The following DDC variants were observed in gnomAD, a reference collection of about 807,000 sequenced individuals.
The protein encoded by DDC is aromatic-L-amino-acid decarboxylase.
DDC carries 43 observed loss-of-function variants against 60.0 expected under a neutral mutation model. That is an observed-to-expected ratio of 0.72 (90% CI 0.56 to 0.92). DDC has a LOEUF of 0.92. Ranked by LOEUF, DDC falls within the 40% of genes least tolerant of loss-of-function variation. The pLI is 0.00. For synonymous variants in DDC, 232 were observed against 234.6 expected, an observed-to-expected ratio of 0.99 and a Z score of 0.10; for missense variants, 573 against 620.2, an observed-to-expected ratio of 0.92 and a Z score of 0.81.
At chr7:50,510,326 T>C (rs1222382597) in intron 6 of DDC, among the ~76,000 whole-genome samples, 2 of 152,030 alleles carry the variant, frequency 1.3e-5, no homozygotes, top group Admixed American at 6.5e-5. Flanking sequence ...TATAGATAAG[T>C]AAATAAGTAA....
intron 1 of DDC, among the ~76,000 whole-genome samples, chr7:50,562,445 G>T (rs1008484237): frequency 6.6e-6 from 1 of 152,252 alleles, no homozygotes; most frequent in African/African-American, 2.4e-5. Context: ...CCCAAACACT[G>T]TGAGTTCAGC....
chr7:50,525,099 T>C (rs1274650772), intron 6 of DDC, among the ~76,000 whole-genome samples: 1 of 152,242 alleles, frequency 6.6e-6, no homozygotes, highest in Non-Finnish European at 1.5e-5. Context: ...TCACATATTG[T>C]ATAATTCCAT....
intron 6 of DDC, among the ~76,000 whole-genome samples, chr7:50,519,234 A>C (rs2043821834): frequency 6.6e-6 from 1 of 152,234 alleles, no homozygotes; most frequent in Non-Finnish European, 1.5e-5. Context: ...TCAAAAAATC[A>C]AAAACATTAG....
intron 9 of DDC, chr7:50,492,921 G>C (rs754356019): frequency 9.2e-5 from 147 of 1,597,134 alleles, no homozygotes; most frequent in Non-Finnish European, 1.2e-4. Context: ...GGCACTCCAC[G>C]TCCCGAAAGG....
chr7:50,511,994 A>G (rs1158501253), intron 6 of DDC, among the ~76,000 whole-genome samples: 5 of 152,144 alleles, frequency 3.3e-5, no homozygotes, highest in African/African-American at 1.2e-4. Flanking sequence ...ATAAATCACC[A>G]CTAAAAAACT....
At chr7:50,541,627 C>T (rs1263154319) in intron 2 of DDC, among the ~76,000 whole-genome samples, 1 of 152,122 alleles carries the variant, frequency 6.6e-6, no homozygotes, top group Non-Finnish European at 1.5e-5. Flanking sequence ...TGTCTGTAAA[C>T]CAGGAAGAGA....
At chr7:50,506,396 C>CTAATG (rs898517818) in intron 6 of DDC, among the ~76,000 whole-genome samples, 1 of 152,084 alleles carries the variant, frequency 6.6e-6, no homozygotes, top group Non-Finnish European at 1.5e-5. Flanking sequence ...GGAGATACAC[C>CTAATG]TAATGTAAAT....
At chr7:50,514,531 T>G (rs372771206) in intron 6 of DDC, among the ~76,000 whole-genome samples, 27 of 152,266 alleles carry the variant, frequency 1.8e-4, no homozygotes, top group African/African-American at 6.5e-4. Flanking sequence ...ATTAAGCTAA[T>G]CGGGGAAGCA....
intron 6 of DDC, among the ~76,000 whole-genome samples, chr7:50,515,918 A>G (rs1585215457): frequency 6.6e-6 from 1 of 152,216 alleles, no homozygotes; most frequent in Non-Finnish European, 1.5e-5. Context: ...GAGTTCCCAA[A>G]TTGATCAAAC....
At chr7:50,468,014 A>G (rs1381296975) in intron 12 of DDC, among the ~76,000 whole-genome samples, 2 of 152,270 alleles carry the variant, frequency 1.3e-5, no homozygotes, top group Non-Finnish European at 2.9e-5. Context: ...CTATTCAGAC[A>G]GCATGTGATC....
intron 9 of DDC, among the ~76,000 whole-genome samples, chr7:50,494,436 G>A (rs1057058705): frequency 6.6e-6 from 1 of 151,936 alleles, no homozygotes. Flanking sequence ...CCTGGGAAGC[G>A]GAGCTTGCAG....
intron 4 of DDC, among the ~76,000 whole-genome samples, chr7:50,536,361 C>T (rs1260748015): frequency 6.6e-6 from 1 of 152,204 alleles, no homozygotes; most frequent in African/African-American, 2.4e-5. Flanking sequence ...GCCCAACCAC[C>T]TTGGGCACAT....
At chr7:50,482,680 T>C (rs4948197) in intron 9 of DDC, among the ~76,000 whole-genome samples, 3,373 of 152,336 alleles carry the variant, frequency 0.022, 182 homozygotes, top group Admixed American at 0.12. Context: ...TATGAACATA[T>C]CATCCTACTT....
At chr7:50,553,572 C>T (rs1012512160) in intron 1 of DDC, among the ~76,000 whole-genome samples, 18 of 149,060 alleles carry the variant, frequency 1.2e-4, no homozygotes, top group Admixed American at 4.7e-4. Flanking sequence ...CTGCAACCTC[C>T]GCCTCCCAGG....
At chr7:50,459,536 C>G (rs921493390) in intron 14 of DDC, 1 of 177,290 alleles carries the variant, frequency 5.6e-6, no homozygotes, top group African/African-American at 2.4e-5. Flanking sequence ...GGCCGCCATC[C>G]CATCTAGGAA....
chr7:50,511,259 G>C (rs2043570569), intron 6 of DDC, among the ~76,000 whole-genome samples: 2 of 151,492 alleles, frequency 1.3e-5, no homozygotes, highest in South Asian at 4.2e-4. Flanking sequence ...GAGAGAGATA[G>C]CTGGGAAAGA....
At position 50,520,817 on chromosome 7, in the gene DDC, G is replaced by A. The variant is rs185322507; in HGVS notation, c.714+7320C>T. 1.9e-3 allele frequency among the ~76,000 whole-genome samples: 287 copies of A among 152,196 alleles called. 1 individual carries two copies. Among genetic ancestry groups the A allele is most frequent in the African/African-American group, 6.3e-3 (262 of 41,524 alleles). ...TAGTCCCAGATACTCAAGAGGCTGA[G>A]GCAGGAGAATTGCTTGAACCTGGGA... On this transcript the variant is annotated intron_variant, in intron 6 of 14. Transcript: ENST00000444124.
chr7:50,560,597 G>A (rs1168252552), intron 1 of DDC, among the ~76,000 whole-genome samples: 1 of 152,166 alleles, frequency 6.6e-6, no homozygotes, highest in Non-Finnish European at 1.5e-5. Context: ...CTGTGGGGCT[G>A]CATAGCCTCC....
At chr7:50,494,914 C>T (rs544874420) in intron 9 of DDC, among the ~76,000 whole-genome samples, 16 of 152,104 alleles carry the variant, frequency 1.1e-4, no homozygotes, top group Non-Finnish European at 2.1e-4. Context: ...CCACCCGCCT[C>T]GGCCTCCCAA....
Sources: allele counts gnomAD v4.1 joint callset (sites outside exome capture counted in the v4.1 genomes callset), GRCh38; gene constraint gnomAD v4.1.1; transcripts MANE v1.5; gene names NCBI Gene and HGNC (gene_info 2026-07-23, HGNC 2026-07-21).